The following VPS13C variants were observed in gnomAD, a reference collection of about 807,000 sequenced individuals.
VPS13C encodes intermembrane lipid transfer protein VPS13C.
VPS13C carries 358 observed loss-of-function variants against 456.8 expected under a neutral mutation model. The observed-to-expected ratio is 0.78, with a 90% confidence interval of 0.72 to 0.86. The LOEUF is 0.86. Ranked by LOEUF, VPS13C falls within the 40% of genes least tolerant of loss-of-function variation. The pLI is 0.00. For missense variants in VPS13C, 4,818 were observed against 4,385.4 expected, an observed-to-expected ratio of 1.10 and a Z score of -2.79; for synonymous variants, 1,578 against 1,486.7, an observed-to-expected ratio of 1.06 and a Z score of -1.41.
Position 62,028,223 on chromosome 15 carries a change from T to C in VPS13C, c.448+135A>G, listed in dbSNP as rs2047701648. The C allele has an allele frequency of 5.1e-6, 4 of 791,726 alleles. No individual in the cohort carries two copies. In the Admixed American group the frequency reaches 9.1e-5, roughly 18 times the overall value. 49.0% of individuals were successfully genotyped at this position (791,726 alleles called of 1,614,324 possible). A position where few individuals can be genotyped will look rare whatever the true frequency, so the allele number is the denominator to read the frequency against. On this transcript the variant is annotated intron_variant, in intron 6 of 84. Coordinates refer to ENST00000644861, the MANE Select transcript of VPS13C (RefSeq NM_020821.3). ...ACAGGTAAGGAAAAGGAAATGATGGTAGAGGGGGAAAACAAAAATTGCATT... is the reference window on the plus strand; with the variant it reads ...ACAGGTAAGGAAAAGGAAATGATGGCAGAGGGGGAAAACAAAAATTGCATT...
intron 69 of VPS13C, among the ~76,000 whole-genome samples, chr15:61,882,178 A>G (rs1255951451): frequency 1.3e-5 from 2 of 152,162 alleles, no homozygotes; most frequent in African/African-American, 4.8e-5. Context: ...AAAAAGAAGA[A>G]GAATTAAAGT....
chr15:61,984,300 A>G (rs546697695), intron 19 of VPS13C, among the ~76,000 whole-genome samples: 12 of 152,194 alleles, frequency 7.9e-5, no homozygotes, highest in Non-Finnish European at 1.6e-4. Context: ...ATAAAAGATC[A>G]CACGACATGG....
intron 18 of VPS13C, among the ~76,000 whole-genome samples, chr15:61,988,777 A>G (rs759579548): frequency 9.9e-5 from 15 of 152,214 alleles, no homozygotes; most frequent in Non-Finnish European, 2.1e-4. Context: ...ACAAATATGG[A>G]CACTTAACTG....
intron 66 of VPS13C, among the ~76,000 whole-genome samples, chr15:61,900,966 A>C (rs891063375): frequency 4.6e-5 from 7 of 152,148 alleles, no homozygotes; most frequent in African/African-American, 1.7e-4. Context: ...CATTTCTACA[A>C]CTATCTGATC....
intron 66 of VPS13C, among the ~76,000 whole-genome samples, chr15:61,902,913 G>A (rs117148762): frequency 0.027 from 4,059 of 148,100 alleles, 79 homozygotes; most frequent in Non-Finnish European, 0.043. Flanking sequence ...AATTATCCTC[G>A]TTCACAAACA....
rs765961682 is a variant in VPS13C at position 62,013,990 on chromosome 15, A to G, written c.687T>C (p.Thr229=). 1 of 1,608,894 alleles carries G rather than the reference A, an allele frequency of 6.2e-7. No individual in the cohort carries two copies. Among genetic ancestry groups the G allele is most frequent in the Non-Finnish European group, 8.5e-7 (1 of 1,176,926 alleles). Residue 229 remains threonine (T), a splice_region_variant and synonymous_variant, in exon 10 of 85, where the codon ACT becomes ACC. Transcript: ENST00000644861. ...TGCATGGAGTCCAGTGTTCATTTGC[A>G]GTCTAAAAGAAAAAAGGGAATACCT... ...GVTLGELSLL[T]ANEHWTPCIL...
chr15:61,917,205 A>T, intron 60 of VPS13C, 136 bp downstream of exon 60: 1 of 914,096 alleles, frequency 1.1e-6, no homozygotes, highest in African/African-American at 1.7e-5. Context: ...AGTTTTTGCT[A>T]TCATTAACAT....
intron 1 of VPS13C, among the ~76,000 whole-genome samples, chr15:62,045,546 C>G (rs964407507): frequency 2.0e-5 from 3 of 151,956 alleles, no homozygotes; most frequent in Non-Finnish European, 4.4e-5. Flanking sequence ...GAAAAGGAAA[C>G]AAAATAAGGT....
chr15:61,954,053 T>A (rs2044898157), intron 38 of VPS13C, among the ~76,000 whole-genome samples: 1 of 152,184 alleles, frequency 6.6e-6, no homozygotes, highest in Non-Finnish European at 1.5e-5. Context: ...ATTAGTAATG[T>A]AACTTTTTTT....
At chr15:61,998,136 T>C (rs1440141200) in intron 16 of VPS13C, among the ~76,000 whole-genome samples, 1 of 152,182 alleles carries the variant, frequency 6.6e-6, no homozygotes, top group African/African-American at 2.4e-5. Context: ...CCCCAAAACC[T>C]TTAAGCAGTT....
intron 66 of VPS13C, among the ~76,000 whole-genome samples, chr15:61,893,908 A>G (rs1232013986): frequency 2.6e-5 from 4 of 152,120 alleles, no homozygotes; most frequent in African/African-American, 7.2e-5. Context: ...TAATAAATAT[A>G]CTAAAAATGC....
At chr15:61,914,417 A>C (rs1293093025) in intron 61 of VPS13C, among the ~76,000 whole-genome samples, 1 of 151,848 alleles carries the variant, frequency 6.6e-6, no homozygotes, top group Non-Finnish European at 1.5e-5. Context: ...AAAAATACAA[A>C]AATTAGCACT....
chr15:61,868,268 A>T (rs574880295), intron 81 of VPS13C, among the ~76,000 whole-genome samples: 1 of 152,232 alleles, frequency 6.6e-6, no homozygotes, highest in African/African-American at 2.4e-5. Context: ...TAGTTACTGG[A>T]ATAAATCTAG....
intron 8 of VPS13C, among the ~76,000 whole-genome samples, chr15:62,021,397 A>C (rs1440275598): frequency 6.6e-6 from 1 of 152,042 alleles, no homozygotes; most frequent in South Asian, 2.1e-4. Flanking sequence ...TAGATCCTTA[A>C]TATTTAATTT....
chr15:61,909,704 C>T (rs1302689367), intron 64 of VPS13C, among the ~76,000 whole-genome samples: 1 of 152,142 alleles, frequency 6.6e-6, no homozygotes, highest in African/African-American at 2.4e-5. Context: ...ATCTATGTCC[C>T]TACAAAGGAC....
intron 67 of VPS13C, among the ~76,000 whole-genome samples, chr15:61,887,758 G>A (rs1320216343): frequency 2.6e-5 from 4 of 151,976 alleles, no homozygotes; most frequent in African/African-American, 7.3e-5. Flanking sequence ...AAAACTCCTA[G>A]AAGATAATAG....
chr15:61,989,734 T>TA (rs746453947), intron 18 of VPS13C, among the ~76,000 whole-genome samples: 8 of 152,184 alleles, frequency 5.3e-5, no homozygotes, highest in Non-Finnish European at 1.0e-4. Context: ...ACCAACCTAA[T>TA]ACTACTACTA....
At chr15:61,860,909 G>A (rs1894184469) in intron 82 of VPS13C, among the ~76,000 whole-genome samples, 1 of 146,572 alleles carries the variant, frequency 6.8e-6, no homozygotes, top group South Asian at 2.2e-4. Flanking sequence ...AATCTACTAT[G>A]TCCTAGGCAA....
At position 61,983,689 on chromosome 15, in the gene VPS13C, C is replaced by G. The variant is rs935442141; in HGVS notation, c.1914+131G>C. On this transcript the variant is annotated intron_variant, in intron 20 of 84. Transcript: ENST00000644861. ...TGCTGAACATATACTGCTTTTGAAA[C>G]AAGAAAAACCTATTAGGAAACTTAC... The G allele has an allele frequency of 1.6e-5, 17 of 1,057,344 alleles. No homozygotes were observed. The Admixed American group carries it at 5.0e-4, about 31-fold the overall frequency. 65.5% of individuals were successfully genotyped at this position (1,057,344 alleles called of 1,614,324 possible).
Sources: allele counts gnomAD v4.1 joint callset (sites outside exome capture counted in the v4.1 genomes callset), GRCh38; gene constraint gnomAD v4.1.1; transcripts MANE v1.5; gene names NCBI Gene and HGNC (gene_info 2026-07-23, HGNC 2026-07-21).